Variants in MARK1 observed in about 807,000 individuals in gnomAD.
MARK1 encodes the protein serine/threonine-protein kinase MARK1.
In MARK1, 40 loss-of-function variants were observed where a neutral mutation model predicts 96.3. The ratio of observed to expected loss-of-function variants is 0.42; its 90% CI spans 0.32 to 0.54. The LOEUF is 0.54. Ranked by LOEUF, MARK1 falls within the 20% of genes least tolerant of loss-of-function variation. The pLI is 0.16. For missense variants in MARK1, 719 were observed against 984.6 expected (o/e 0.73, Z 3.61); for synonymous variants, 317 against 341.2 (o/e 0.93, Z 0.78).
intron 3 of MARK1, among the ~76,000 whole-genome samples, chr1:220,587,156 A>G (rs545688843): frequency 9.2e-5 from 14 of 152,158 alleles, no homozygotes; most frequent in Non-Finnish European, 1.8e-4. Flanking sequence ...TACTTAAAAT[A>G]CAGTATATTA....
intron 15 of MARK1, among the ~76,000 whole-genome samples, chr1:220,652,393 C>T (rs1668931030): frequency 6.6e-6 from 1 of 152,124 alleles, no homozygotes; most frequent in Non-Finnish European, 1.5e-5. Flanking sequence ...TTACATCCGT[C>T]TATAAAGTTA....
At position 220,631,122 on chromosome 1, in the gene MARK1, A is replaced by T. The variant is rs149156758; in HGVS notation, c.997A>T (p.Thr333Ser). The change falls in exon 10 of 18, where the codon ACA (threonine) becomes TCA (serine). Residue 333 changes from threonine to serine, a missense_variant. Thr to Ser is a moderately conservative substitution (Grantham distance 58). This residue lies in a region of MARK1 where 501 missense variants were observed against 588.3 expected (regional missense o/e 0.85). Transcript: ENST00000366917. ...YTEPDPDFND[T>S]KRIDIMVTMG... ...TGAGCCTGATCCGGATTTCAATGACACAAAAAGAATAGGTAAGTATTTAAA... is the reference window on the plus strand; with the variant it reads ...TGAGCCTGATCCGGATTTCAATGACTCAAAAAGAATAGGTAAGTATTTAAA... 1 of 1,610,894 alleles carries T rather than the reference A, an allele frequency of 6.2e-7. No homozygotes were observed. Among genetic ancestry groups the T allele is most frequent in the Non-Finnish European group, 8.5e-7 (1 of 1,177,422 alleles).
chr1:220,634,021 A>G (rs373463652), intron 11 of MARK1, among the ~76,000 whole-genome samples: 7 of 152,322 alleles, frequency 4.6e-5, no homozygotes, highest in African/African-American at 1.2e-4. Context: ...AATTAATCCA[A>G]TCCTCCCAGT....
At position 220,584,591 on chromosome 1, in the gene MARK1, A is replaced by G. The variant is rs997068188; in HGVS notation, c.309+3473A>G. 2.6e-5 allele frequency among the ~76,000 whole-genome samples: 4 copies of G among 152,246 alleles called. 1 individual carries two copies. The South Asian group carries it at 8.3e-4, about 32-fold the overall frequency. On this transcript the variant is annotated intron_variant, in intron 3 of 17. Transcript: ENST00000366917. ...TTTTGTGAGTTTTTAAATAAAGCCC[A>G]GAGACCTCTCTGGTAAGCTAATTAA...
chr1:220,633,488 G>A lies in MARK1; in HGVS notation c.1122+1175G>A, dbSNP rs1408770419. ...ATTGAACCTTTATTGTACCAGAAAC[G>A]ATGCTGTGTACTGTGAATAGAAGGA... On this transcript the variant is annotated intron_variant, in intron 11 of 17. Transcript: ENST00000366917. Among the ~76,000 whole-genome samples the A allele has an allele frequency of 3.9e-5, 6 of 152,176 alleles. No homozygotes were observed. In the East Asian group the frequency reaches 7.7e-4, roughly 20 times the overall value.
At chr1:220,580,996 AT>A in intron 2 of MARK1, 68 bp from the exon 3 acceptor site, 1 of 608,678 alleles carries the variant, frequency 1.6e-6, no homozygotes, top group Non-Finnish European at 2.6e-6. Flanking sequence ...CAGAAATTGG[AT>A]TTTTTGAAAG....
chr1:220,542,613 C>G (rs559450031), intron 1 of MARK1, among the ~76,000 whole-genome samples: 10 of 152,270 alleles, frequency 6.6e-5, no homozygotes, highest in African/African-American at 1.7e-4. Context: ...GTTCAGCTCT[C>G]TCACCCTGTA....
At chr1:220,650,874 T>G (rs1017684522) in intron 14 of MARK1, among the ~76,000 whole-genome samples, 154 bp downstream of exon 14, 1 of 152,204 alleles carries the variant, frequency 6.6e-6, no homozygotes, top group Non-Finnish European at 1.5e-5. Context: ...ACATCTTTCC[T>G]GTACCAGGAT....
intron 1 of MARK1, among the ~76,000 whole-genome samples, chr1:220,533,286 G>C (rs563085593): frequency 1.3e-5 from 2 of 152,286 alleles, no homozygotes; most frequent in East Asian, 3.9e-4. Context: ...GGTCTCTAAA[G>C]TGGGTGTGCA....
chr1:220,575,428 C>G (rs1192200439), intron 1 of MARK1, among the ~76,000 whole-genome samples: 1 of 152,126 alleles, frequency 6.6e-6, no homozygotes, highest in African/African-American at 2.4e-5. Context: ...TTTAATCTAG[C>G]ATGAGCTGAA....
chr1:220,635,809 A>G, intron 12 of MARK1, 24 bp from the exon 13 acceptor site: 2 of 1,530,682 alleles, frequency 1.3e-6, no homozygotes, highest in Non-Finnish European at 1.8e-6. Flanking sequence ...TCAGCTCATT[A>G]TGCTATTTTT....
chr1:220,653,140 C>A lies in MARK1; in HGVS notation c.1776C>A (p.His592Gln), dbSNP rs1195963434. 6.2e-7 allele frequency: 1 copy of A among 1,614,222 alleles called. No individual in the cohort carries two copies. Among genetic ancestry groups the A allele is most frequent in the East Asian group, 2.2e-5 (1 of 44,886 alleles). Residue 592 changes from histidine to glutamine, a missense_variant, in exon 16 of 18, where the codon CAC becomes CAA. His to Gln is a conservative substitution (Grantham distance 24, BLOSUM62 0). Coordinates refer to ENST00000366917, the MANE Select transcript of MARK1 (RefSeq NM_018650.5). Reference protein sequence around the residue: ...QRVPAASPSAHSISTATPDRT... With the variant: ...QRVPAASPSAQSISTATPDRT... ...TGCCTGCTGCTTCCCCATCTGCTCACAGTATTAGTACTGCGACTCCAGACC... is the reference window on the plus strand; with the variant it reads ...TGCCTGCTGCTTCCCCATCTGCTCAAAGTATTAGTACTGCGACTCCAGACC...
Position 220,664,160 on chromosome 1 carries a change from A to T in MARK1, c.*1994A>T, listed in dbSNP as rs1172241321. ...AGACTCATGTGTTTTCCACGGTAGAAACTGATATTTTTTTACATTTTCTCA... is the reference window on the plus strand; with the variant it reads ...AGACTCATGTGTTTTCCACGGTAGATACTGATATTTTTTTACATTTTCTCA... On this transcript the variant is annotated 3_prime_UTR_variant, in exon 18 of 18. Transcript: ENST00000366917. 1 of 152,200 alleles carries T rather than the reference A, an allele frequency of 6.6e-6. No homozygotes were observed. Among genetic ancestry groups the T allele is most frequent in the East Asian group, 1.9e-4 (1 of 5,198 alleles). 9.4% of individuals were successfully genotyped at this position (152,200 alleles called of 1,614,324 possible). A position where few individuals can be genotyped will look rare whatever the true frequency, so the allele number is the denominator to read the frequency against.
chr1:220,650,401 A>G (rs1668806437), intron 13 of MARK1, among the ~76,000 whole-genome samples: 1 of 152,188 alleles, frequency 6.6e-6, no homozygotes, highest in African/African-American at 2.4e-5. Context: ...GGCTGCTATT[A>G]TAGGAGGATA....
At chr1:220,627,304 T>C (rs1667402386) in intron 9 of MARK1, 1 of 503,886 alleles carries the variant, frequency 2.0e-6, no homozygotes, top group African/African-American at 2.0e-5. Flanking sequence ...CAAGAACTCT[T>C]CCAACTTCAA....
chr1:220,647,958 G>A (rs972490724), intron 13 of MARK1, among the ~76,000 whole-genome samples: 1 of 151,776 alleles, frequency 6.6e-6, no homozygotes, highest in Non-Finnish European at 1.5e-5. Flanking sequence ...TTAATACCTA[G>A]GTGACAGGTT....
At chr1:220,578,633 C>G (rs753338692) in intron 1 of MARK1, among the ~76,000 whole-genome samples, 1 of 152,136 alleles carries the variant, frequency 6.6e-6, no homozygotes, top group Non-Finnish European at 1.5e-5. Context: ...TGACAAATGG[C>G]TGGGCTAGTT....
At chr1:220,581,694 C>G (rs546956371) in intron 3 of MARK1, among the ~76,000 whole-genome samples, 1 of 152,234 alleles carries the variant, frequency 6.6e-6, no homozygotes, top group South Asian at 2.1e-4. Context: ...AACTACTAGT[C>G]TTTCAGATAA....
chr1:220,590,239 A>C (rs953699884), intron 3 of MARK1, among the ~76,000 whole-genome samples: 1 of 152,198 alleles, frequency 6.6e-6, no homozygotes, highest in African/African-American at 2.4e-5. Context: ...AAGATGTGGT[A>C]CTTTTCAATT....
Sources: allele counts gnomAD v4.1 joint callset (sites outside exome capture counted in the v4.1 genomes callset), GRCh38; gene constraint gnomAD v4.1.1; regional missense constraint gnomAD v4.1.1; transcripts MANE v1.5; gene names NCBI Gene and HGNC (gene_info 2026-07-23, HGNC 2026-07-21).